TET2: variants seen among roughly 807,000 people sequenced by gnomAD.
TET2 encodes the protein methylcytosine dioxygenase TET2.
A neutral mutation model predicts 142.9 loss-of-function variants in TET2; 299 were observed. The ratio of observed to expected loss-of-function variants is 2.09; its 90% CI spans 1.90 to 2.30. The LOEUF (loss-of-function observed/expected upper bound fraction) is 2.30, where lower values mean the gene tolerates loss of function less well. Among genes scored for constraint, TET2 ranks in the 30% most tolerant of loss-of-function variants. TET2 has a pLI of 0.00. For missense variants in TET2, 2,418 were observed against 2,378.0 expected, an observed-to-expected ratio of 1.02 and a Z score of -0.35; for synonymous variants, 819 against 849.0, an observed-to-expected ratio of 0.96 and a Z score of 0.61.
intron 2 of TET2, among the ~76,000 whole-genome samples, chr4:105,216,222 G>A (rs1027684167): frequency 1.3e-5 from 2 of 152,036 alleles, no homozygotes; most frequent in Admixed American, 6.6e-5. Flanking sequence ...TTAAAGCCAC[G>A]CTGACTAAAA....
chr4:105,241,821 T>A, intron 4 of TET2: 1 of 1,248,296 alleles, frequency 8.0e-7, no homozygotes, highest in Non-Finnish European at 1.0e-6. Context: ...AAAGAACCAC[T>A]GAATTAAATT....
chr4:105,247,228 A>ATCC (rs1729623645), intron 6 of TET2, among the ~76,000 whole-genome samples: 2 of 152,318 alleles, frequency 1.3e-5, no homozygotes, highest in Admixed American at 6.5e-5. Context: ...CAGAAGACAG[A>ATCC]TAACTTACCA....
At chr4:105,209,880 A>G (rs931340430) in intron 2 of TET2, among the ~76,000 whole-genome samples, 4 of 152,132 alleles carry the variant, frequency 2.6e-5, no homozygotes, top group Non-Finnish European at 5.9e-5. Flanking sequence ...AGTTCATTCA[A>G]TAGGCTGTTG....
At chr4:105,255,101 G>A (rs1234918505) in intron 6 of TET2, among the ~76,000 whole-genome samples, 1 of 152,134 alleles carries the variant, frequency 6.6e-6, no homozygotes, top group Non-Finnish European at 1.5e-5. Context: ...TTAACCTGTT[G>A]TAGGTATATT....
At chr4:105,226,506 G>A (rs1291913479) in intron 2 of TET2, among the ~76,000 whole-genome samples, 1 of 151,994 alleles carries the variant, frequency 6.6e-6, no homozygotes, top group African/African-American at 2.4e-5. Context: ...GGATTATTGG[G>A]GCAGATCCCT....
chr4:105,221,815 T>C (rs1377799843), intron 2 of TET2, among the ~76,000 whole-genome samples: 1 of 151,852 alleles, frequency 6.6e-6, no homozygotes, highest in African/African-American at 2.4e-5. Flanking sequence ...CTGCACCCAC[T>C]AACTCGTCAT....
In TET2 at chr4:105,272,570, AC is replaced by A; in HGVS notation, c.4190del (p.Thr1397IlefsTer51). ...TGTCTTACTTCCCTACCAGGTATGC[AC>A]TCTCACTAGAGAAGACAATCGAGAA... Reference protein sequence around the residue: ...NMQNGSTLVCTLTREDNREFG... With the variant: ...NMQNGSTLVCXLTREDNREFG... On this transcript the variant is annotated frameshift_variant, in exon 10 of 11. Coordinates refer to ENST00000380013, the MANE Select transcript of TET2 (RefSeq NM_001127208.3). LOFTEE classifies it high-confidence loss of function. 1 of 1,525,880 alleles carries A rather than the reference AC, an allele frequency of 6.6e-7. No homozygotes were observed. Among genetic ancestry groups the A allele is most frequent in the Non-Finnish European group, 8.8e-7 (1 of 1,135,954 alleles). The allele number at this position is 1,525,880 out of a possible 1,614,324, so 94.5% of individuals were successfully genotyped here. A position where few individuals can be genotyped will look rare whatever the true frequency, so the allele number is the denominator to read the frequency against.
Position 105,235,605 on chromosome 4 carries a change from C to G in TET2, c.1663C>G (p.Pro555Ala), listed in dbSNP as rs774158688. 1.2e-6 allele frequency: 2 copies of G among 1,614,122 alleles called. No individual in the cohort carries two copies. Among genetic ancestry groups the G allele is most frequent in the South Asian group, 2.2e-5 (2 of 91,082 alleles). The change falls in exon 3 of 11, where the codon CCA (proline) becomes GCA (alanine). Residue 555 changes from proline to alanine, a missense_variant. Coordinates refer to ENST00000380013, the MANE Select transcript of TET2 (RefSeq NM_001127208.3). ...GGAGCAAACACGAGATCTTGTGCCCCCAACACAGCACTATCTGAAACCAGG... is the reference window on the plus strand; with the variant it reads ...GGAGCAAACACGAGATCTTGTGCCCGCAACACAGCACTATCTGAAACCAGG... ...DKEQTRDLVP[P>A]TQHYLKPGWI...
intron 1 of TET2, among the ~76,000 whole-genome samples, chr4:105,155,907 C>G (rs1243489011): frequency 6.6e-6 from 1 of 152,100 alleles, no homozygotes; most frequent in Non-Finnish European, 1.5e-5. Flanking sequence ...GTTTGACAAG[C>G]CCAAGATAGA....
intron 1 of TET2, among the ~76,000 whole-genome samples, chr4:105,152,604 T>C (rs1423770319): frequency 6.8e-6 from 1 of 147,762 alleles, no homozygotes. Context: ...CTTTCTTTTT[T>C]TTTTTTTTTT....
At chr4:105,215,161 G>A (rs1463115859) in intron 2 of TET2, among the ~76,000 whole-genome samples, 5 of 152,124 alleles carry the variant, frequency 3.3e-5, no homozygotes, top group Non-Finnish European at 7.3e-5. Flanking sequence ...GTTGTGATGT[G>A]AGAGCAGAGG....
Position 105,276,314 on chromosome 4 carries a change from A to T in TET2, c.5804A>T (p.Tyr1935Phe). The T allele has an allele frequency of 6.4e-7, 1 of 1,551,742 alleles. No individual in the cohort carries two copies. Among genetic ancestry groups the T allele is most frequent in the South Asian group, 1.2e-5 (1 of 84,064 alleles). The change falls in exon 11 of 11, where the codon TAT (tyrosine) becomes TTT (phenylalanine). Residue 1935 changes from tyrosine (Y) to phenylalanine (F), a missense_variant. By Grantham distance (22) the Tyr-to-Phe change is conservative. Coordinates refer to ENST00000380013, the MANE Select transcript of TET2 (RefSeq NM_001127208.3). Reference sequence around the variant, plus strand: ...GAGAAAGAGGAAGAGTGTGAAAAGTATGGCCCAGACTATGTGCCTCAGAAA... The same window carrying T: ...GAGAAAGAGGAAGAGTGTGAAAAGTTTGGCCCAGACTATGTGCCTCAGAAA... ...AREKEEECEK[Y>F]GPDYVPQKSH...
rs557904260 is a variant in TET2, at chr4:105,277,168, A to T, written c.*649A>T. 4.4e-6 allele frequency: 1 copy of T among 229,746 alleles called. No homozygotes were observed. Among genetic ancestry groups the T allele is most frequent in the African/African-American group, 2.2e-5 (1 of 45,294 alleles). The allele number at this position is 229,746 out of a possible 1,614,324, so 14.2% of individuals were successfully genotyped here. ...GCTAAAAATTTAATGCCTTTATATCATCAAGATGCTATCAGTGTACTCCAG... is the reference window on the plus strand; with the variant it reads ...GCTAAAAATTTAATGCCTTTATATCTTCAAGATGCTATCAGTGTACTCCAG... On this transcript the variant is annotated 3_prime_UTR_variant, in exon 11 of 11. Transcript: ENST00000380013.
chr4:105,200,188 C>T (rs2110509175), intron 2 of TET2, among the ~76,000 whole-genome samples: 1 of 152,268 alleles, frequency 6.6e-6, no homozygotes, highest in African/African-American at 2.4e-5. Flanking sequence ...TTTTTCTCCG[C>T]AACCTCACTA....
chr4:105,159,678 A>G (rs1255152637), intron 1 of TET2, among the ~76,000 whole-genome samples: 1 of 152,208 alleles, frequency 6.6e-6, no homozygotes, highest in East Asian at 1.9e-4. Context: ...CTTGTAATTT[A>G]CGTGAGATTT....
chr4:105,192,285 C>A (rs1725835281), intron 2 of TET2, among the ~76,000 whole-genome samples: 1 of 151,728 alleles, frequency 6.6e-6, no homozygotes, highest in African/African-American at 2.4e-5. Context: ...GGAGTTCTTC[C>A]CTCATATCTC....
chr4:105,258,829 G>T (rs1334354520), intron 6 of TET2, among the ~76,000 whole-genome samples: 3 of 151,688 alleles, frequency 2.0e-5, no homozygotes, highest in African/African-American at 7.3e-5. Flanking sequence ...TTTGTTTATT[G>T]TCATTAGAAT....
intron 1 of TET2, among the ~76,000 whole-genome samples, chr4:105,181,597 T>C (rs1348751802): frequency 1.3e-5 from 2 of 152,218 alleles, no homozygotes; most frequent in Non-Finnish European, 2.9e-5. Flanking sequence ...AAATGTGTAA[T>C]TCTGTACAAT....
intron 1 of TET2, among the ~76,000 whole-genome samples, chr4:105,175,755 C>G (rs1169317842): frequency 6.6e-6 from 1 of 152,018 alleles, no homozygotes; most frequent in Non-Finnish European, 1.5e-5. Context: ...TGTCCCAAAA[C>G]TACTCATGGG....
Sources: allele counts gnomAD v4.1 joint callset (sites outside exome capture counted in the v4.1 genomes callset), GRCh38; gene constraint gnomAD v4.1.1; transcripts MANE v1.5; gene names NCBI Gene and HGNC (gene_info 2026-07-23, HGNC 2026-07-21).